SVIL: variants seen among roughly 807,000 people sequenced by gnomAD.
The protein encoded by SVIL is archvillin.
In SVIL, 101 loss-of-function variants were observed where a neutral mutation model predicts 240.4. The observed-to-expected ratio is 0.42, with a 90% CI of 0.36 to 0.50. The LOEUF is 0.50. SVIL is among the 20% of genes least tolerant of loss of function. The pLI, the probability that SVIL is intolerant of heterozygous loss-of-function variation, is 0.01. For synonymous variants in SVIL, 999 were observed against 1,100.0 expected, an observed-to-expected ratio of 0.91 and a Z score of 1.82; for missense variants, 2,512 against 2,818.7, an observed-to-expected ratio of 0.89 and a Z score of 2.46.
intron 1 of SVIL, among the ~76,000 whole-genome samples, chr10:29,618,257 G>C (rs1383413838): frequency 6.6e-6 from 1 of 152,178 alleles, no homozygotes; most frequent in East Asian, 1.9e-4. Context: ...ACCTCAACTC[G>C]TAATTTTTGG....
chr10:29,645,860 G>GT (rs1015881778), intron 3 of SVIL, among the ~76,000 whole-genome samples: 13 of 152,212 alleles, frequency 8.5e-5, no homozygotes, highest in Admixed American at 5.9e-4. Context: ...AATCTCGTTA[G>GT]TGGGATAGTG....
At chr10:29,513,579 TAC>T (rs1423574308) in intron 16 of SVIL, among the ~76,000 whole-genome samples, 1 of 152,150 alleles carries the variant, frequency 6.6e-6, no homozygotes, top group East Asian at 1.9e-4. Flanking sequence ...ATGAAGCACT[TAC>T]AGTCTCTTAA....
At chr10:29,464,062 T>C (rs1944593845) in intron 34 of SVIL, among the ~76,000 whole-genome samples, 1 of 152,216 alleles carries the variant, frequency 6.6e-6, no homozygotes, top group Admixed American at 6.5e-5. Flanking sequence ...TGCAGACAGG[T>C]CAGTGGCGTT....
At chr10:29,654,583 T>A (rs376997607) in intron 3 of SVIL, among the ~76,000 whole-genome samples, 14 of 152,290 alleles carry the variant, frequency 9.2e-5, no homozygotes, top group African/African-American at 2.9e-4. Context: ...GTCAGGGTTC[T>A]CCAGAGAGAC....
At chr10:29,542,779 T>A (rs1952282321) in intron 6 of SVIL, among the ~76,000 whole-genome samples, 1 of 152,244 alleles carries the variant, frequency 6.6e-6, no homozygotes, top group South Asian at 2.1e-4. Context: ...CTAACTACTT[T>A]TTGTACCCGT....
In SVIL at chr10:29,716,848, T is replaced by C. The variant is rs1335555391; in HGVS notation, c.-400+18903A>G. The stretch of plus-strand genomic sequence containing the variant: ...TCTCTGGTTGAATCATAGAAGAATT[T>C]TTACAAACATTCACTGTACAGTTAA... On this transcript the variant is annotated intron_variant, in intron 1 of 35. Coordinates refer to the SVIL transcript ENST00000375400. Among the ~76,000 whole-genome samples, 109 of 152,310 alleles carry C rather than the reference T, an allele frequency of 7.2e-4. 1 individual carries two copies. The highest frequency in any genetic ancestry group is 1.2e-4 in the Non-Finnish European group (8 of 68,028).
At position 29,470,557 on chromosome 10, in the gene SVIL, CCG is replaced by C; in HGVS notation, c.5636-76_5636-75del. 4.5e-6 allele frequency: 7 copies of C among 1,558,964 alleles called. No individual in the cohort carries two copies. The South Asian group carries it at 7.9e-5, about 18-fold the overall frequency. ...CAGCAAACGCGGCCCTTCCTAGTGTCCGCTGTGTCGTCCAAGGCAGCCACCTC... is the reference window on the plus strand; with the variant it reads ...CAGCAAACGCGGCCCTTCCTAGTGTCCTGTGTCGTCCAAGGCAGCCACCTC... On this transcript the variant is annotated intron_variant, in intron 31 of 37. Coordinates refer to ENST00000355867, the MANE Select transcript of SVIL (RefSeq NM_021738.3).
intron 12 of SVIL, among the ~76,000 whole-genome samples, chr10:29,527,408 G>A (rs780388564): frequency 1.2e-4 from 18 of 152,026 alleles, no homozygotes; most frequent in Non-Finnish European, 1.6e-4. Context: ...TTAGAATATT[G>A]TTTCCAATCT....
At chr10:29,695,981 A>ACGGTTTCCCTCTCATGC (rs1246543898) in intron 1 of SVIL, among the ~76,000 whole-genome samples, 15 of 132,384 alleles carry the variant, frequency 1.1e-4, no homozygotes, top group Non-Finnish European at 2.3e-4. Context: ...TCTCCTTTCC[A>ACGGTTTCCCTCTCATGC]CGGTTTCCCT....
chr10:29,692,298 C>T (rs1961568527), intron 1 of SVIL, among the ~76,000 whole-genome samples: 2 of 152,140 alleles, frequency 1.3e-5, no homozygotes, highest in African/African-American at 2.4e-5. Flanking sequence ...GATGAACTCT[C>T]CCTGGTTCTG....
At chr10:29,699,414 C>T (rs1199697081) in intron 1 of SVIL, among the ~76,000 whole-genome samples, 1 of 152,122 alleles carries the variant, frequency 6.6e-6, no homozygotes, top group Non-Finnish European at 1.5e-5. Flanking sequence ...GCAATTCTCT[C>T]ACCTCAGCCT....
At chr10:29,609,778 G>T (rs1564698194) in intron 1 of SVIL, among the ~76,000 whole-genome samples, 1 of 152,212 alleles carries the variant, frequency 6.6e-6, no homozygotes, top group Non-Finnish European at 1.5e-5. Context: ...GTGCCTGGCT[G>T]TGCAGTGGCC....
rs1238562872 is a variant in SVIL, at chr10:29,484,228, C to T, written c.4955+428G>A. On this transcript the variant is annotated intron_variant, in intron 27 of 37. Transcript: ENST00000355867. This position sits in a 1 kb window ranked among gnomAD's most constrained non-coding sequence, Gnocchi z 4.7. The stretch of plus-strand genomic sequence containing the variant: ...CTGCTGCCAAATAAATCCTGAAATT[C>T]GAGGGCGATGCTGGGAAGGTATGAA... Among the ~76,000 whole-genome samples, 8 of 152,114 alleles carry T rather than the reference C, an allele frequency of 5.3e-5. No homozygotes were observed. The highest frequency in any genetic ancestry group is 3.3e-4 in the Admixed American group (5 of 15,270).
At chr10:29,571,386 CA>C (rs1207619066) in intron 1 of SVIL, among the ~76,000 whole-genome samples, 1 of 152,194 alleles carries the variant, frequency 6.6e-6, no homozygotes, top group Non-Finnish European at 1.5e-5. Context: ...TCGGAGGAGT[CA>C]GATACAACTT....
chr10:29,568,391 C>A (rs1386463925), intron 2 of SVIL, among the ~76,000 whole-genome samples: 2 of 151,692 alleles, frequency 1.3e-5, no homozygotes, highest in Non-Finnish European at 2.9e-5. Flanking sequence ...AAATGCAAAC[C>A]CTTTTTGGTC....
upstream of SVIL, among the ~76,000 whole-genome samples, chr10:29,637,500 G>T (rs1169321648): frequency 6.6e-6 from 1 of 151,950 alleles, no homozygotes; most frequent in East Asian, 1.9e-4. Flanking sequence ...CTCAAAAGAA[G>T]AAAAAAGTTA....
At chr10:29,516,550 C>T (rs1295065018) in intron 16 of SVIL, among the ~76,000 whole-genome samples, 1 of 152,198 alleles carries the variant, frequency 6.6e-6, no homozygotes, top group African/African-American at 2.4e-5. Context: ...GTCGAGGAGC[C>T]GACGTCTGGG....
In SVIL at chr10:29,532,840, C is replaced by T. The variant is rs756061000; in HGVS notation, c.1527G>A (p.Arg509=). The change falls in exon 8 of 38, where the codon AGG becomes AGA. Residue 509 remains arginine, a synonymous_variant. Coordinates refer to ENST00000355867, the MANE Select transcript of SVIL (RefSeq NM_021738.3). The part of the protein sequence containing the change: ...PPQAPHQPTE[R]TGRSEMVLYI... ...AGAGAACCATCTCGCTCCTGCCTGT[C>T]CTCTCAGTGGGCTGGTGCGGAGCTT... The T allele has an allele frequency of 3.1e-6, 5 of 1,614,160 alleles. No homozygotes were observed. The highest frequency in any genetic ancestry group is 2.7e-5 in the African/African-American group (2 of 75,044).
At chr10:29,715,097 AAAC>A (rs1290831652) in intron 1 of SVIL, among the ~76,000 whole-genome samples, 1 of 152,174 alleles carries the variant, frequency 6.6e-6, no homozygotes, top group African/African-American at 2.4e-5. Context: ...ATATAACTCT[AAAC>A]AAAGAAAACG....
Sources: allele counts gnomAD v4.1 joint callset (sites outside exome capture counted in the v4.1 genomes callset), GRCh38; gene constraint gnomAD v4.1.1; non-coding constraint Gnocchi (gnomAD v3.1); transcripts MANE v1.5; gene names NCBI Gene and HGNC (gene_info 2026-07-23, HGNC 2026-07-21).